Variants in ZNF207 observed in about 807,000 individuals in gnomAD.
ZNF207 encodes the protein BUB3-interacting and GLEBS motif-containing protein ZNF207.
ZNF207 carries 24 observed loss-of-function variants against 60.2 expected under a neutral mutation model. That is an observed-to-expected ratio of 0.40 (90% confidence interval 0.29 to 0.56). ZNF207 has a LOEUF of 0.56. Ranked by LOEUF, ZNF207 falls within the 20% of genes least tolerant of loss-of-function variation. The pLI is 0.49. For missense variants in ZNF207, 452 were observed against 636.6 expected (o/e 0.71, Z 3.12); for synonymous variants, 236 against 194.7 (o/e 1.21, Z -1.77).
In ZNF207 at chr17:32,378,392, C is replaced by T. The variant is rs1905755048; in HGVS notation, c.*8633C>T. 6.6e-6 allele frequency: 1 copy of T among 152,016 alleles called. No homozygotes were observed. Among genetic ancestry groups the T allele is most frequent in the Non-Finnish European group, 1.5e-5 (1 of 67,902 alleles). The allele number at this position is 152,016 out of a possible 1,614,324, so 9.4% of individuals were successfully genotyped here. On this transcript the variant is annotated 3_prime_UTR_variant, in exon 12 of 12. Coordinates refer to ENST00000394670, the MANE Select transcript of ZNF207 (RefSeq NM_001098507.2). Reference sequence around the variant, plus strand: ...TCAACCTAAGAAAAAAGGCAAGTTTCCTCACATCTAGAAATGATAAATGGT... The same window carrying T: ...TCAACCTAAGAAAAAAGGCAAGTTTTCTCACATCTAGAAATGATAAATGGT...
intron 10 of ZNF207, 107 bp from the exon 11 acceptor site, chr17:32,369,188 A>G (rs3180613): frequency 7.5e-7 from 1 of 1,333,568 alleles, no homozygotes; most frequent in Admixed American, 2.3e-5. Context: ...TGTAAGGGTA[A>G]ATTTTTGAAA....
intron 7 of ZNF207, among the ~76,000 whole-genome samples, chr17:32,364,897 TTAAAG>T (rs1248097043): frequency 1.3e-5 from 2 of 152,208 alleles, no homozygotes; most frequent in Admixed American, 1.3e-4. Context: ...TTGAGGAAGT[TTAAAG>T]TATGTAGTAG....
intron 6 of ZNF207, 65 bp from the exon 7 acceptor site, chr17:32,362,849 G>C: frequency 6.9e-7 from 1 of 1,452,084 alleles, no homozygotes; most frequent in Non-Finnish European, 9.6e-7. Context: ...GCTTTAGCCA[G>C]AATATTTTTT....
At chr17:32,357,849 G>T (rs1466307833) in intron 2 of ZNF207, among the ~76,000 whole-genome samples, 2 of 151,764 alleles carry the variant, frequency 1.3e-5, no homozygotes, top group Non-Finnish European at 2.9e-5. Context: ...ACGCAGGCTG[G>T]ATTGCAGTGG....
At chr17:32,361,835 G>A (rs953998255) in intron 6 of ZNF207, among the ~76,000 whole-genome samples, 2 of 152,138 alleles carry the variant, frequency 1.3e-5, no homozygotes, top group African/African-American at 4.8e-5. Context: ...ATTATAGGAT[G>A]TAATGGAATT....
At chr17:32,357,365 T>TTTTTTG (rs1904593844) in intron 2 of ZNF207, among the ~76,000 whole-genome samples, 1 of 139,616 alleles carries the variant, frequency 7.2e-6, no homozygotes, top group Admixed American at 7.3e-5. Flanking sequence ...TTTTTTTTTT[T>TTTTTTG]TGAGACAGAA....
At chr17:32,359,465 C>G (rs1421432047) in intron 3 of ZNF207, among the ~76,000 whole-genome samples, 1 of 152,098 alleles carries the variant, frequency 6.6e-6, no homozygotes, top group Non-Finnish European at 1.5e-5. Flanking sequence ...TCAGGCTGGT[C>G]TCAAACTCCT....
intron 2 of ZNF207, among the ~76,000 whole-genome samples, chr17:32,357,560 G>C (rs1904617347): frequency 6.6e-6 from 1 of 151,628 alleles, no homozygotes; most frequent in Non-Finnish European, 1.5e-5. Flanking sequence ...TGTTGGTCAG[G>C]CTGGTCTCGA....
rs916297437 is a variant in ZNF207 at position 32,381,097 on chromosome 17, A to G, written c.*11338A>G. On this transcript the variant is annotated 3_prime_UTR_variant, in exon 12 of 12. Coordinates refer to ENST00000394670, the MANE Select transcript of ZNF207 (RefSeq NM_001098507.2). ...CACCAGGAAAGATTGATTATTTCTG[A>G]GGAAAAGGTCCATTTATTTCCAAAC... 3 of 152,258 alleles carry G rather than the reference A, an allele frequency of 2.0e-5. No homozygotes were observed. Among genetic ancestry groups the G allele is most frequent in the Non-Finnish European group, 4.4e-5 (3 of 68,044 alleles). 9.4% of individuals were successfully genotyped at this position (152,258 alleles called of 1,614,324 possible).
rs535562596 is a variant in ZNF207, at chr17:32,376,004, T to C, written c.*6245T>C. On this transcript the variant is annotated 3_prime_UTR_variant, in exon 12 of 12. Transcript: ENST00000394670. ...TTGAATCATTTAAATAATAACCTTT[T>C]GTTTTTATAGCAAAGAAATCATCTG... 67 of 152,226 alleles carry C rather than the reference T, an allele frequency of 4.4e-4. No homozygotes were observed. The highest frequency in any genetic ancestry group is 1.5e-3 in the African/African-American group (62 of 41,576). The allele number at this position is 152,226 out of a possible 1,614,324, so 9.4% of individuals were successfully genotyped here.
chr17:32,373,491 A>G lies in ZNF207; in HGVS notation c.*3732A>G. 1.8e-6 allele frequency: 1 copy of G among 548,688 alleles called. No individual in the cohort carries two copies. Among genetic ancestry groups the G allele is most frequent in the Non-Finnish European group, 3.3e-6 (1 of 304,986 alleles). The allele number at this position is 548,688 out of a possible 1,614,324, so 34.0% of individuals were successfully genotyped here. ...TATTTTATTCCTTATAGGGGCTTTC[A>G]CAGCTTTATGGCTGTTGGATATTTA... is the stretch of plus-strand genomic sequence containing the variant. On this transcript the variant is annotated 3_prime_UTR_variant, in exon 12 of 12. Transcript: ENST00000394670.
At position 32,360,614 on chromosome 17, in the gene ZNF207, GCAA is replaced by G; in HGVS notation, c.328_330del (p.Gln110del). On this transcript the variant is annotated inframe_deletion, in exon 4 of 12. Transcript: ENST00000394670. ...TTTTAACAGAAAGTCAAAAAAAGAA[GCAA>G]CAAGATGATTCTGATGAATATGATG... 2.5e-6 allele frequency: 4 copies of G among 1,589,936 alleles called. No homozygotes were observed. The highest frequency in any genetic ancestry group is 3.4e-6 in the Non-Finnish European group (4 of 1,173,196).
Position 32,374,936 on chromosome 17 carries a change from A to C in ZNF207, c.*5177A>C, listed in dbSNP as rs1436372660. ...CTAAAATTTGCTTTTATTTGGTGAG[A>C]AAAGTTGTGTGCGTGTGTTTGTTGT... On this transcript the variant is annotated 3_prime_UTR_variant, in exon 12 of 12. Coordinates refer to ENST00000394670, the MANE Select transcript of ZNF207 (RefSeq NM_001098507.2). 1 of 152,200 alleles carries C rather than the reference A, an allele frequency of 6.6e-6. No individual in the cohort carries two copies. The highest frequency in any genetic ancestry group is 1.5e-5 in the Non-Finnish European group (1 of 68,036). The allele number at this position is 152,200 out of a possible 1,614,324, so 9.4% of individuals were successfully genotyped here. A position where few individuals can be genotyped will look rare whatever the true frequency, so the allele number is the denominator to read the frequency against.
intron 2 of ZNF207, among the ~76,000 whole-genome samples, chr17:32,353,811 C>CA (rs536502166): frequency 0.13 from 13,647 of 105,612 alleles, 636 homozygotes; most frequent in African/African-American, 0.19. Flanking sequence ...ACTCTGTCTC[C>CA]AAAAAAAAAA....
At chr17:32,366,574 A>G (rs1244848878) in intron 8 of ZNF207, 91 bp from the exon 9 acceptor site, 2 of 989,822 alleles carry the variant, frequency 2.0e-6, no homozygotes, top group African/African-American at 1.7e-5. Context: ...TGCATTTACA[A>G]ATATGCAATC....
In ZNF207 at chr17:32,373,385, T is replaced by G; in HGVS notation, c.*3626T>G. ...AACTGTTTTTCTAAAATTAAAATTT[T>G]CTTCTTCCTATAGCCCTGCCATAGG... is the stretch of plus-strand genomic sequence containing the variant. On this transcript the variant is annotated 3_prime_UTR_variant, in exon 12 of 12. Transcript: ENST00000394670. 1.5e-6 allele frequency: 1 copy of G among 683,742 alleles called. No homozygotes were observed. Among genetic ancestry groups the G allele is most frequent in the Non-Finnish European group, 2.6e-6 (1 of 377,888 alleles). The allele number at this position is 683,742 out of a possible 1,614,324, so 42.4% of individuals were successfully genotyped here.
rs1250872958 is a variant in ZNF207 at position 32,372,563 on chromosome 17, A to G, written c.*2804A>G. The G allele has an allele frequency of 3.9e-5, 6 of 152,090 alleles. No homozygotes were observed. Among genetic ancestry groups the G allele is most frequent in the Non-Finnish European group, 2.9e-5 (2 of 68,042 alleles). 9.4% of individuals were successfully genotyped at this position (152,090 alleles called of 1,614,324 possible). ...AGAATTCTAATTAAAAATTAATTGA[A>G]AGTGTTAGGCATTGGCAGATAAAAC... On this transcript the variant is annotated 3_prime_UTR_variant, in exon 12 of 12. Coordinates refer to ENST00000394670, the MANE Select transcript of ZNF207 (RefSeq NM_001098507.2).
At position 32,370,260 on chromosome 17, in the gene ZNF207, CAGGGTTTA is replaced by C. The variant is rs1417033116; in HGVS notation, c.*504_*511del. The stretch of plus-strand genomic sequence containing the variant: ...AATGTATTTAGAGTTCCTCATGTTG[CAGGGTTTA>C]AGAAATCTGACCCACCAAGGTCATG... On this transcript the variant is annotated 3_prime_UTR_variant, in exon 12 of 12. Coordinates refer to ENST00000394670, the MANE Select transcript of ZNF207 (RefSeq NM_001098507.2). 1 of 152,668 alleles carries C rather than the reference CAGGGTTTA, an allele frequency of 6.6e-6. No individual in the cohort carries two copies. The highest frequency in any genetic ancestry group is 1.5e-5 in the Non-Finnish European group (1 of 68,080). 9.5% of individuals were successfully genotyped at this position (152,668 alleles called of 1,614,324 possible).
In ZNF207 at chr17:32,360,967, G is replaced by A; in HGVS notation, c.551G>A (p.Gly184Glu). 3 of 1,612,682 alleles carry A rather than the reference G, an allele frequency of 1.9e-6. No individual in the cohort carries two copies. The highest frequency in any genetic ancestry group is 2.5e-6 in the Non-Finnish European group (3 of 1,179,834). Residue 184 changes from glycine (G) to glutamate (E), a missense_variant and splice_region_variant, in exon 5 of 12, where the codon GGA (glycine) becomes GAA (glutamate). This residue lies in a region of ZNF207 where 390 missense variants were observed against 461.4 expected (regional missense o/e 0.85). Coordinates refer to ENST00000394670, the MANE Select transcript of ZNF207 (RefSeq NM_001098507.2). ...MPPVMPGMPP[G>E]LHHQRKYTQS... ...CCAGTTATGCCAGGCATGCCACCTG[G>A]GTAAGAAAATTCTTTTAATTGCCCT... is the stretch of plus-strand genomic sequence containing the variant.
Sources: allele counts gnomAD v4.1 joint callset (sites outside exome capture counted in the v4.1 genomes callset), GRCh38; gene constraint gnomAD v4.1.1; regional missense constraint gnomAD v4.1.1; transcripts MANE v1.5; gene names NCBI Gene and HGNC (gene_info 2026-07-23, HGNC 2026-07-21).